The following INTS4 variants were observed in gnomAD, a reference collection of about 807,000 sequenced individuals.
INTS4 encodes integrator complex subunit 4, also known as MSTP093.
INTS4 carries 70 observed loss-of-function variants against 119.5 expected under a neutral mutation model. That is an observed-to-expected ratio of 0.59 (90% CI 0.48 to 0.71). The LOEUF is 0.71. Among genes scored for constraint, INTS4 ranks in the 30% least tolerant of loss-of-function variants. The probability of loss-of-function intolerance (pLI) is 0.00; values close to 1 mark genes in which losing one functional copy is unlikely to be tolerated. For missense variants in INTS4, 867 were observed against 1,173.2 expected (o/e 0.74, Z 3.81); for synonymous variants, 316 against 419.6 (o/e 0.75, Z 3.02).
chr11:77,979,178 G>C, intron 3 of INTS4, 76 bp from the exon 4 acceptor site: 1 of 823,840 alleles, frequency 1.2e-6, no homozygotes, highest in Non-Finnish European at 2.1e-6. Flanking sequence ...CTTGGGTAAA[G>C]AATGTAGATT....
At position 77,904,302 on chromosome 11, in the gene INTS4, T is replaced by C. The variant is rs189250035; in HGVS notation, c.2017-682A>G. Among the ~76,000 whole-genome samples, 7 of 152,312 alleles carry C rather than the reference T, an allele frequency of 4.6e-5. No homozygotes were observed. In the East Asian group the frequency reaches 1.3e-3, roughly 29 times the overall value. On this transcript the variant is annotated intron_variant, in intron 16 of 22. Transcript: ENST00000534064. ...CTAGACTAACACTGTCCAATAGAAA[T>C]ATAACATGAGCTATATATAATTTTA... is the stretch of plus-strand genomic sequence containing the variant.
At chr11:77,876,859 AATATCAGCATATTCTT>A (rs1324860369), downstream of INTS4, 3 of 631,476 alleles carry the variant, frequency 4.8e-6, no homozygotes, top group African/African-American at 5.5e-5. Flanking sequence ...TTATCTGAAA[AATATCAGCATATTCTT>A]CCCTTAGAAG....
chr11:77,915,567 C>A (rs932943224), intron 15 of INTS4, among the ~76,000 whole-genome samples: 3 of 152,144 alleles, frequency 2.0e-5, no homozygotes, highest in Non-Finnish European at 4.4e-5. Context: ...GCCCAGGACA[C>A]CCTCAACTTT....
chr11:77,958,854 A>C lies in INTS4; in HGVS notation c.709-20T>G. 3.5e-6 allele frequency: 5 copies of C among 1,448,728 alleles called. No homozygotes were observed. The highest frequency in any genetic ancestry group is 4.8e-6 in the Non-Finnish European group (5 of 1,033,540). 89.7% of individuals were successfully genotyped at this position (1,448,728 alleles called of 1,614,324 possible). On this transcript the variant is annotated intron_variant, in intron 6 of 22. Transcript: ENST00000534064. The stretch of plus-strand genomic sequence containing the variant: ...ACAGGCCTGCAAAGAAGAATTCCAA[A>C]AGTCTATTAGTTCTGTGTCCTCTCA...
At chr11:77,876,816 G>A (rs1951607691), downstream of INTS4, 2 of 597,702 alleles carry the variant, frequency 3.3e-6, no homozygotes, top group Non-Finnish European at 6.0e-6. Context: ...GGAAAATGAG[G>A]GCTAACTTGG....
At chr11:77,884,352 T>TAA (rs1394173243) in intron 21 of INTS4, among the ~76,000 whole-genome samples, 4 of 152,372 alleles carry the variant, frequency 2.6e-5, no homozygotes, top group Admixed American at 2.6e-4. Context: ...AATTGCATTC[T>TAA]TTCCACTACA....
chr11:77,930,919 A>T (rs1591070531), intron 10 of INTS4, among the ~76,000 whole-genome samples: 1 of 152,214 alleles, frequency 6.6e-6, no homozygotes. Context: ...AAAAAGACTG[A>T]TTCTCAGCAT....
At chr11:77,971,497 A>C (rs1855732196) in intron 4 of INTS4, among the ~76,000 whole-genome samples, 1 of 152,032 alleles carries the variant, frequency 6.6e-6, no homozygotes, top group East Asian at 1.9e-4. Flanking sequence ...AAATACAAAA[A>C]ATCAGCTGGG....
In INTS4 at chr11:77,878,912, G is replaced by A. The variant is rs1951683489; in HGVS notation, c.*37C>T. On this transcript the variant is annotated 3_prime_UTR_variant, in exon 23 of 23. Transcript: ENST00000534064. ...TTGGCTCATTCTGACACCTAAGAAGGGCCCTCTAGGCCACGGTTGGGAAGA... is the reference window on the plus strand; with the variant it reads ...TTGGCTCATTCTGACACCTAAGAAGAGCCCTCTAGGCCACGGTTGGGAAGA... The A allele has an allele frequency of 6.5e-7, 1 of 1,539,180 alleles. No individual in the cohort carries two copies. Among genetic ancestry groups the A allele is most frequent in the Non-Finnish European group, 9.0e-7 (1 of 1,112,472 alleles).
Position 77,928,430 on chromosome 11 carries a change from C to G in INTS4, c.1283G>C (p.Arg428Pro). 1 of 1,611,926 alleles carries G rather than the reference C, an allele frequency of 6.2e-7. No homozygotes were observed. The highest frequency in any genetic ancestry group is 8.5e-7 in the Non-Finnish European group (1 of 1,178,438). Residue 428 changes from arginine (R) to proline (P), a missense_variant, in exon 11 of 23, where the codon CGT becomes CCT. Arg to Pro is a moderately radical substitution (Grantham distance 103, BLOSUM62 -2). This residue lies in a region of INTS4 where 208 missense variants were observed against 306.6 expected (regional missense o/e 0.68). Transcript: ENST00000534064. ...TCTCATGGTATGTATAGACTGCAGACGTACTTCCTCAATTTCATCGTTGAA... is the reference window on the plus strand; with the variant it reads ...TCTCATGGTATGTATAGACTGCAGAGGTACTTCCTCAATTTCATCGTTGAA... ...DMFNDEIEEV[R>P]LQSIHTMRKI...
rs754073240 is a variant in INTS4 at position 77,918,973 on chromosome 11, T to C, written c.1770A>G (p.Pro590=). 2.5e-6 allele frequency: 4 copies of C among 1,613,828 alleles called. No homozygotes were observed. Among genetic ancestry groups the C allele is most frequent in the Admixed American group, 1.7e-5 (1 of 59,994 alleles). ...CAGCTGATGACACCAGTTTTCTACC[T>C]GGTAACTAAGCAGAGTGGGATTACA... is the stretch of plus-strand genomic sequence containing the variant. The part of the protein sequence containing the change: ...LSHLVPALRL[P]GRKLVSSAVS... The change falls in exon 15 of 23, where the codon CCA becomes CCG. Residue 590 remains proline (P), a synonymous_variant. Coordinates refer to ENST00000534064, the MANE Select transcript of INTS4 (RefSeq NM_033547.4).
intron 4 of INTS4, among the ~76,000 whole-genome samples, chr11:77,975,955 CAAA>C (rs34102366): frequency 1.4e-5 from 2 of 138,674 alleles, no homozygotes. Flanking sequence ...GACTCTATCT[CAAA>C]AAAAAAAAAG....
In INTS4 at chr11:77,979,044, T is replaced by C. The variant is rs750250108; in HGVS notation, c.423A>G (p.Leu141=). Residue 141 remains leucine, a synonymous_variant, in exon 4 of 23, where the codon CTA becomes CTG. Transcript: ENST00000534064. The part of the protein sequence containing the change: ...LDTLLAIGTK[L]PENQAIQMRL... ...GCATTTGGATAGCTTGATTCTCTGGTAGCTTAGTGCCAATTGCAAGCAAAG... is the reference window on the plus strand; with the variant it reads ...GCATTTGGATAGCTTGATTCTCTGGCAGCTTAGTGCCAATTGCAAGCAAAG... The C allele has an allele frequency of 6.2e-7, 1 of 1,613,312 alleles. No individual in the cohort carries two copies. The highest frequency in any genetic ancestry group is 1.7e-5 in the Admixed American group (1 of 60,008).
At chr11:77,933,591 C>G (rs1387602710) in intron 10 of INTS4, among the ~76,000 whole-genome samples, 1 of 152,156 alleles carries the variant, frequency 6.6e-6, no homozygotes, top group Admixed American at 6.5e-5. Flanking sequence ...CACCTCCCAG[C>G]CGCCTGCCCT....
intron 10 of INTS4, among the ~76,000 whole-genome samples, chr11:77,934,892 T>C (rs1230152984): frequency 6.6e-6 from 1 of 152,198 alleles, no homozygotes; most frequent in African/African-American, 2.4e-5. Context: ...AAAACTTTCT[T>C]TCAAAAATAA....
chr11:77,880,869 C>T (rs1055914855), intron 22 of INTS4, among the ~76,000 whole-genome samples: 3 of 151,916 alleles, frequency 2.0e-5, no homozygotes, highest in Admixed American at 6.6e-5. Flanking sequence ...CACTTGAGCC[C>T]GAGAGGATCA....
At chr11:77,900,541 C>G (rs1386592636) in intron 18 of INTS4, 3 of 657,726 alleles carry the variant, frequency 4.6e-6, no homozygotes, top group Admixed American at 5.1e-5. Context: ...ATATTTATAT[C>G]TCTATGGCAC....
chr11:77,934,371 A>G (rs1953739148), intron 10 of INTS4, among the ~76,000 whole-genome samples: 1 of 142,366 alleles, frequency 7.0e-6, no homozygotes, highest in African/African-American at 2.7e-5. Context: ...TCTGAGAAAC[A>G]CCCAAGAATG....
intron 2 of INTS4, among the ~76,000 whole-genome samples, chr11:77,989,282 A>G (rs768262662): frequency 6.6e-6 from 1 of 151,822 alleles, no homozygotes; most frequent in Non-Finnish European, 1.5e-5. Context: ...GAGGTCTGGA[A>G]TTCGAGACTA....
Sources: gnomAD v4.1 joint callset for allele counts (sites outside exome capture counted in the v4.1 genomes callset) on GRCh38, gnomAD v4.1.1 for gene constraint, gnomAD v4.1.1 regional missense constraint, MANE v1.5 for transcripts, NCBI Gene and HGNC (gene_info 2026-07-23, HGNC 2026-07-21) for gene names.